SAMD3: variants seen among roughly 807,000 people sequenced by gnomAD.
SAMD3 encodes the protein sterile alpha motif domain containing 3.
In SAMD3, 63 loss-of-function variants were observed where a neutral mutation model predicts 58.5. The ratio of observed to expected loss-of-function variants is 1.08; its 90% confidence interval spans 0.88 to 1.33. SAMD3 has a LOEUF of 1.33. Among genes scored for constraint, SAMD3 ranks in the 40% most tolerant of loss-of-function variants. The pLI, the probability that SAMD3 is intolerant of heterozygous loss-of-function variation, is 0.00. For synonymous variants in SAMD3, 220 were observed against 210.3 expected (o/e 1.05, Z -0.40); for missense variants, 604 against 608.4 (o/e 0.99, Z 0.08).
At chr6:130,365,055 C>T in intron 1 of SAMD3, 3 of 415,594 alleles carry the variant, frequency 7.2e-6, no homozygotes, top group Non-Finnish European at 9.7e-6. Flanking sequence ...CTTGTGCATG[C>T]GGCTGGCCTG....
chr6:130,342,719 G>A (rs1010434132), intron 1 of SAMD3, among the ~76,000 whole-genome samples: 2 of 152,256 alleles, frequency 1.3e-5, no homozygotes, highest in Admixed American at 1.3e-4. Context: ...ACTTCATTGT[G>A]TGGTAAATTT....
chr6:130,159,194 A>T (rs1450779668), intron 8 of SAMD3, among the ~76,000 whole-genome samples: 1 of 152,134 alleles, frequency 6.6e-6, no homozygotes, highest in Non-Finnish European at 1.5e-5. Flanking sequence ...TTCTCATGGT[A>T]GTGAATGGGT....
At chr6:130,145,977 A>T (rs1377739384) in intron 10 of SAMD3, 33 bp downstream of exon 10, 4 of 1,299,600 alleles carry the variant, frequency 3.1e-6, no homozygotes, top group Non-Finnish European at 4.0e-6. Context: ...TAAATAACAG[A>T]TGAAATCACA....
chr6:130,214,377 TG>T lies in SAMD3; in HGVS notation c.228del (p.Lys78ArgfsTer42). 1 of 1,609,634 alleles carries T rather than the reference TG, an allele frequency of 6.2e-7. No individual in the cohort carries two copies. The highest frequency in any genetic ancestry group is 8.5e-7 in the Non-Finnish European group (1 of 1,178,034). ...GTTTGCATGACCAGGGCTGCCTTTT[TG>T]GGGTTTTCTGGGGACTTCAGTCCTT... ...NTQGLKSPEN[P>X]KKAALVMQTE... is the part of the protein sequence containing the mutation. On this transcript the variant is annotated frameshift_variant, in exon 4 of 12. Transcript: ENST00000439090. LOFTEE classifies it high-confidence loss of function.
intron 2 of SAMD3, among the ~76,000 whole-genome samples, chr6:130,276,383 G>A (rs892903184): frequency 1.3e-5 from 2 of 152,088 alleles, no homozygotes; most frequent in Non-Finnish European, 2.9e-5. Flanking sequence ...ACTAGTACAA[G>A]TATAAAGCTT....
rs1346590893 is a variant in SAMD3 at position 130,273,941 on chromosome 6, T to C, written c.-188+39037A>G. Among the ~76,000 whole-genome samples the C allele has an allele frequency of 4.9e-5, 6 of 123,294 alleles. No homozygotes were observed. The East Asian group carries it at 1.4e-3, about 28-fold the overall frequency. 80.9% of individuals were successfully genotyped at this position (123,294 alleles called of 152,430 possible). ...ATTAAAATCAATTTACACACCATCA[T>C]TACAGTATTATTCTGTTTATATACT... On this transcript the variant is annotated intron_variant, in intron 2 of 13. Transcript: ENST00000368134.
chr6:130,291,626 G>A (rs1336181918), intron 2 of SAMD3, among the ~76,000 whole-genome samples: 1 of 152,174 alleles, frequency 6.6e-6, no homozygotes, highest in South Asian at 2.1e-4. Context: ...CTCTGCATCT[G>A]AACATACCAG....
At chr6:130,216,444 G>C (rs1484117588) in intron 2 of SAMD3, 127 bp downstream of exon 2, 1 of 152,056 alleles carries the variant, frequency 6.6e-6, no homozygotes, top group Non-Finnish European at 1.5e-5. Context: ...TATCAGTCGT[G>C]AATTTAAATT....
At chr6:130,362,189 T>G (rs902490609) in intron 1 of SAMD3, among the ~76,000 whole-genome samples, 1 of 152,212 alleles carries the variant, frequency 6.6e-6, no homozygotes, top group East Asian at 1.9e-4. Context: ...CCTAGTGCAG[T>G]GCTTTTCAAA....
At chr6:130,160,185 A>G (rs892919832) in intron 8 of SAMD3, 3 of 152,236 alleles carry the variant, frequency 2.0e-5, no homozygotes, top group African/African-American at 7.2e-5. Flanking sequence ...TACAAGAATA[A>G]TCACAGCAGC....
At chr6:130,332,525 A>T (rs1162133613) in intron 1 of SAMD3, among the ~76,000 whole-genome samples, 1 of 152,168 alleles carries the variant, frequency 6.6e-6, no homozygotes, top group African/African-American at 2.4e-5. Flanking sequence ...ACAGAAGTGG[A>T]GTATTTTAGA....
intron 1 of SAMD3, among the ~76,000 whole-genome samples, chr6:130,343,491 C>A (rs1041381937): frequency 1.3e-5 from 2 of 152,122 alleles, no homozygotes; most frequent in Non-Finnish European, 2.9e-5. Flanking sequence ...CAAAGATTGT[C>A]CACATATTCC....
Position 130,209,580 on chromosome 6 carries a change from C to T in SAMD3, c.298G>A (p.Ala100Thr). The part of the protein sequence containing the change: ...DYRDEESSSP[A>T]RHGEQMPSFY... ...GATGGCATCTGCTCCCCATGCCTGG[C>T]TGGACTGGAGGACTCTTCATCCCTG... is the stretch of plus-strand genomic sequence containing the variant. Residue 100 changes from alanine (A) to threonine (T), a missense_variant, in exon 5 of 12, where the codon GCC becomes ACC. Coordinates refer to ENST00000439090, the MANE Select transcript of SAMD3 (RefSeq NM_001017373.4). 1.2e-6 allele frequency: 2 copies of T among 1,613,580 alleles called. No homozygotes were observed. The highest frequency in any genetic ancestry group is 1.7e-6 in the Non-Finnish European group (2 of 1,179,494).
chr6:130,182,364 T>C (rs1289948042), intron 7 of SAMD3, among the ~76,000 whole-genome samples: 1 of 152,162 alleles, frequency 6.6e-6, no homozygotes, highest in Admixed American at 6.5e-5. Flanking sequence ...ATACCTGAAT[T>C]CTAATCTTGG....
downstream of SAMD3, chr6:130,144,271 C>CTT (rs1247054327): frequency 3.6e-5 from 17 of 472,118 alleles, no homozygotes; most frequent in Admixed American, 8.0e-5. Flanking sequence ...GAAAATATAA[C>CTT]TTAACTGCGG....
chr6:130,226,134 C>G (rs1473425491), upstream of SAMD3, among the ~76,000 whole-genome samples: 1 of 152,186 alleles, frequency 6.6e-6, no homozygotes, highest in African/African-American at 2.4e-5. Context: ...TCTGGAGAGC[C>G]TGATGGGCAG....
chr6:130,232,966 G>A (rs532420903), intron 2 of SAMD3, among the ~76,000 whole-genome samples: 15 of 152,286 alleles, frequency 9.8e-5, no homozygotes, highest in East Asian at 7.7e-4. Flanking sequence ...CATTTGATGC[G>A]TGACACGAGC....
At chr6:130,243,287 T>A (rs1773426737) in intron 2 of SAMD3, among the ~76,000 whole-genome samples, 1 of 152,192 alleles carries the variant, frequency 6.6e-6, no homozygotes, top group African/African-American at 2.4e-5. Flanking sequence ...CTAAGAAGCC[T>A]GCTCCCTTCC....
intron 8 of SAMD3, among the ~76,000 whole-genome samples, chr6:130,173,024 G>A (rs1337975916): frequency 2.0e-5 from 3 of 151,852 alleles, no homozygotes; most frequent in Non-Finnish European, 2.9e-5. Flanking sequence ...CGAAGTTCTC[G>A]TCCTGTGTTT....
Sources: allele counts gnomAD v4.1 joint callset (sites outside exome capture counted in the v4.1 genomes callset), GRCh38; gene constraint gnomAD v4.1.1; transcripts MANE v1.5; gene names NCBI Gene and HGNC (gene_info 2026-07-23, HGNC 2026-07-21).